The following NKAIN3 variants were observed in gnomAD, a reference collection of about 807,000 sequenced individuals.
NKAIN3 encodes sodium/potassium transporting ATPase interacting 3, also known as sodium/potassium-transporting ATPase subunit beta-1-interacting protein 3.
In NKAIN3, 25 loss-of-function variants were observed where a neutral mutation model predicts 30.2. The observed-to-expected ratio is 0.83, with a 90% CI of 0.60 to 1.16. The LOEUF is 1.16. Among genes scored for constraint, NKAIN3 ranks in the 50% most tolerant of loss-of-function variants. The pLI, the probability that NKAIN3 is intolerant of heterozygous loss-of-function variation, is 0.00. For missense variants in NKAIN3, 225 were observed against 254.1 expected (o/e 0.89, Z 0.78); for synonymous variants, 91 against 89.6 (o/e 1.02, Z -0.09).
At chr8:62,722,417 A>G (rs748194098) in intron 3 of NKAIN3, among the ~76,000 whole-genome samples, 1 of 152,190 alleles carries the variant, frequency 6.6e-6, no homozygotes, top group Non-Finnish European at 1.5e-5. Context: ...GAATGAAATA[A>G]CCCTCATTAT....
At chr8:62,916,785 A>G (rs905855143) in intron 4 of NKAIN3, among the ~76,000 whole-genome samples, 1 of 152,120 alleles carries the variant, frequency 6.6e-6, no homozygotes, top group Middle Eastern at 3.2e-3. Flanking sequence ...CGTGGGGATG[A>G]AGTAGAAGGA....
At chr8:62,504,284 A>T (rs1322835350) in intron 1 of NKAIN3, among the ~76,000 whole-genome samples, 1 of 152,192 alleles carries the variant, frequency 6.6e-6, no homozygotes, top group African/African-American at 2.4e-5. Context: ...GTGGTTGGGG[A>T]CCACTGCTAT....
downstream of NKAIN3, among the ~76,000 whole-genome samples, chr8:62,987,867 C>T (rs143997908): frequency 4.8e-4 from 73 of 152,294 alleles, no homozygotes; most frequent in African/African-American, 1.7e-3. Flanking sequence ...ACTCCAGAGT[C>T]TCATCTGAGA....
Position 62,554,531 on chromosome 8 carries a change from C to T in NKAIN3, c.55-25008C>T, listed in dbSNP as rs181471083. On this transcript the variant is annotated intron_variant, in intron 1 of 6. Transcript: ENST00000623646. ...CAGAAAAATTTCTCCTGAATATTCA[C>T]GAAAATAAGTTATTCTTTACATGGA... 5.1e-3 allele frequency among the ~76,000 whole-genome samples: 775 copies of T among 152,106 alleles called. 8 individuals carry two copies. Among genetic ancestry groups the T allele is most frequent in the African/African-American group, 0.018 (739 of 41,494 alleles).
intron 1 of NKAIN3, among the ~76,000 whole-genome samples, chr8:62,553,860 G>GT (rs2129947488): frequency 6.6e-6 from 1 of 152,090 alleles, no homozygotes; most frequent in East Asian, 1.9e-4. Context: ...TTATCCATAA[G>GT]TTTCTAAAAA....
chr8:62,347,406 TTAAAA>T (rs1299875679), intron 1 of NKAIN3, among the ~76,000 whole-genome samples: 1 of 152,130 alleles, frequency 6.6e-6, no homozygotes, highest in Non-Finnish European at 1.5e-5. Context: ...TCAGAATATC[TTAAAA>T]TAAGAAGATT....
chr8:62,955,294 C>T (rs1416994454), intron 6 of NKAIN3, among the ~76,000 whole-genome samples: 1 of 152,166 alleles, frequency 6.6e-6, no homozygotes, highest in Non-Finnish European at 1.5e-5. Flanking sequence ...CTATATAACA[C>T]TCCAGAACCA....
chr8:62,413,751 A>G (rs1378383797), intron 1 of NKAIN3, among the ~76,000 whole-genome samples: 1 of 152,166 alleles, frequency 6.6e-6, no homozygotes, highest in East Asian at 1.9e-4. Context: ...AAGATATCAT[A>G]ATATAGGAAT....
At chr8:62,561,306 T>C (rs143024260) in intron 1 of NKAIN3, among the ~76,000 whole-genome samples, 9 of 152,300 alleles carry the variant, frequency 5.9e-5, no homozygotes, top group Admixed American at 2.0e-4. Context: ...GTATACATGA[T>C]GGTTAAAGTT....
At chr8:62,643,710 A>G (rs1334248962) in intron 3 of NKAIN3, among the ~76,000 whole-genome samples, 8 of 152,132 alleles carry the variant, frequency 5.3e-5, no homozygotes, top group African/African-American at 1.9e-4. Flanking sequence ...TTTGTTGCAC[A>G]ACATCCACTT....
chr8:62,681,776 C>T (rs563670710), intron 3 of NKAIN3, among the ~76,000 whole-genome samples: 12 of 152,084 alleles, frequency 7.9e-5, no homozygotes, highest in Admixed American at 2.6e-4. Flanking sequence ...TTGGTCATGC[C>T]GCTTTATAAA....
At chr8:62,694,428 T>C (rs920537178) in intron 3 of NKAIN3, among the ~76,000 whole-genome samples, 4 of 152,150 alleles carry the variant, frequency 2.6e-5, no homozygotes, top group African/African-American at 9.6e-5. Flanking sequence ...TAGAGATCAT[T>C]GTGTTAAGTG....
At chr8:62,518,080 G>T (rs1191058077) in intron 1 of NKAIN3, among the ~76,000 whole-genome samples, 1 of 152,138 alleles carries the variant, frequency 6.6e-6, no homozygotes, top group African/African-American at 2.4e-5. Context: ...GCTCATTTGG[G>T]CCAGGCACAG....
intron 3 of NKAIN3, among the ~76,000 whole-genome samples, chr8:62,618,679 G>T (rs994742818): frequency 6.6e-6 from 1 of 152,176 alleles, no homozygotes; most frequent in African/African-American, 2.4e-5. Context: ...GCCGAAGCAG[G>T]CAGATCACCT....
At chr8:62,800,477 T>C (rs1361195665) in intron 4 of NKAIN3, among the ~76,000 whole-genome samples, 1 of 152,000 alleles carries the variant, frequency 6.6e-6, no homozygotes. Flanking sequence ...ACCTCAGATC[T>C]ATTTCTAAAA....
At chr8:62,342,296 C>A (rs1051944668) in intron 1 of NKAIN3, among the ~76,000 whole-genome samples, 1 of 147,022 alleles carries the variant, frequency 6.8e-6, no homozygotes, top group Non-Finnish European at 1.5e-5. Flanking sequence ...GAAAATCTTT[C>A]TTTTTGTTTG....
intron 4 of NKAIN3, among the ~76,000 whole-genome samples, chr8:62,879,594 G>T (rs1435757753): frequency 2.6e-5 from 4 of 152,088 alleles, no homozygotes; most frequent in Non-Finnish European, 5.9e-5. Context: ...TGAACAGGAG[G>T]CATGCATGAG....
chr8:62,934,523 T>A (rs1224023940), intron 5 of NKAIN3, among the ~76,000 whole-genome samples: 1 of 152,106 alleles, frequency 6.6e-6, no homozygotes, highest in Non-Finnish European at 1.5e-5. Flanking sequence ...ATTAAGACAG[T>A]ACAACTCTTG....
At chr8:62,706,537 T>C (rs1422877758) in intron 3 of NKAIN3, among the ~76,000 whole-genome samples, 1 of 152,078 alleles carries the variant, frequency 6.6e-6, no homozygotes, top group Admixed American at 6.6e-5. Context: ...TTTCCGAAAC[T>C]GTGCCCTTTA....
Sources: allele counts gnomAD v4.1 joint callset (sites outside exome capture counted in the v4.1 genomes callset), GRCh38; gene constraint gnomAD v4.1.1; transcripts MANE v1.5; gene names NCBI Gene and HGNC (gene_info 2026-07-23, HGNC 2026-07-21).